CRADD: variants seen among roughly 807,000 people sequenced by gnomAD.
CRADD encodes the protein CARD and death domain containing adaptor protein, also known as death domain-containing protein CRADD.
Under a neutral mutation model 15.5 loss-of-function variants are expected in CRADD, and 9 were observed. That is an observed-to-expected ratio of 0.58 (90% CI 0.35 to 1.01). CRADD has a LOEUF of 1.01. CRADD is among the 50% of genes least tolerant of loss of function. The pLI is 0.02. For missense variants in CRADD, 227 were observed against 250.3 expected, an observed-to-expected ratio of 0.91 and a Z score of 0.63; for synonymous variants, 118 against 107.6, an observed-to-expected ratio of 1.10 and a Z score of -0.60.
In CRADD at chr12:93,782,962, T is replaced by C. The variant is rs183449647; in HGVS notation, c.299-67008T>C. ...CTTGGTGATAGGTTTTTGGGGGTTC[T>C]TTACACTTTCCTCTACTTTGTTATG... On this transcript the variant is annotated intron_variant, in intron 2 of 2. Transcript: ENST00000332896. 5.7e-3 allele frequency among the ~76,000 whole-genome samples: 867 copies of C among 152,244 alleles called. 9 individuals carry two copies. The highest frequency in any genetic ancestry group is 0.014 in the South Asian group (68 of 4,830).
At chr12:93,781,275 C>CA (rs1238577513) in intron 2 of CRADD, among the ~76,000 whole-genome samples, 1 of 151,952 alleles carries the variant, frequency 6.6e-6, no homozygotes, top group Non-Finnish European at 1.5e-5. Context: ...GACAATAAGA[C>CA]AAAAAAATCC....
At chr12:93,815,893 T>G (rs1957691260) in intron 2 of CRADD, 1 of 152,234 alleles carries the variant, frequency 6.6e-6, no homozygotes, top group South Asian at 2.1e-4. Flanking sequence ...GAATAGCTAG[T>G]TAGCTTGCCC....
chr12:93,875,279 CTA>C (rs1958450324), intron 2 of CRADD, among the ~76,000 whole-genome samples: 1 of 151,722 alleles, frequency 6.6e-6, no homozygotes, highest in Non-Finnish European at 1.5e-5. Flanking sequence ...TATTTTCAGT[CTA>C]TGTGTGTCTT....
At chr12:93,690,813 T>C (rs1407094058) in intron 2 of CRADD, among the ~76,000 whole-genome samples, 116 of 152,310 alleles carry the variant, frequency 7.6e-4, no homozygotes, top group South Asian at 4.1e-4. Flanking sequence ...TTAGATCTGA[T>C]TGGAGTCACA....
At chr12:93,843,901 T>C (rs1370040782) in intron 2 of CRADD, among the ~76,000 whole-genome samples, 1 of 151,912 alleles carries the variant, frequency 6.6e-6, no homozygotes, top group East Asian at 1.9e-4. Context: ...TTTTGTATGT[T>C]AGTAGAGACG....
At chr12:93,872,584 C>G (rs1177145668) in intron 2 of CRADD, among the ~76,000 whole-genome samples, 1 of 152,072 alleles carries the variant, frequency 6.6e-6, no homozygotes, top group Non-Finnish European at 1.5e-5. Flanking sequence ...ATTTTTGTAT[C>G]TGGTGAGAGA....
intron 2 of CRADD, among the ~76,000 whole-genome samples, chr12:93,755,727 A>G (rs778934374): frequency 6.6e-6 from 1 of 152,212 alleles, no homozygotes; most frequent in Non-Finnish European, 1.5e-5. Flanking sequence ...CTTCAGGTTG[A>G]GTGATGCTTA....
chr12:93,693,410 T>C (rs1012529143), intron 2 of CRADD, among the ~76,000 whole-genome samples: 1 of 152,000 alleles, frequency 6.6e-6, no homozygotes, highest in African/African-American at 2.4e-5. Context: ...ATATTTTCCA[T>C]GCAAATGGAA....
At chr12:93,712,054 T>C (rs1437269085) in intron 2 of CRADD, among the ~76,000 whole-genome samples, 1 of 152,042 alleles carries the variant, frequency 6.6e-6, no homozygotes, top group African/African-American at 2.4e-5. Context: ...CCACACCTGG[T>C]CTCCTAGACT....
chr12:93,752,289 G>A (rs1179121725), intron 2 of CRADD, among the ~76,000 whole-genome samples: 2 of 152,180 alleles, frequency 1.3e-5, no homozygotes, highest in Non-Finnish European at 2.9e-5. Context: ...AAGCCCTTTG[G>A]ATCCACTTAT....
intron 2 of CRADD, among the ~76,000 whole-genome samples, chr12:93,868,135 A>G (rs1444496921): frequency 6.6e-6 from 1 of 152,146 alleles, no homozygotes; most frequent in Non-Finnish European, 1.5e-5. Context: ...ATTTAGTTTG[A>G]CTCAACATTT....
intron 2 of CRADD, among the ~76,000 whole-genome samples, chr12:93,839,922 T>G (rs1347362577): frequency 6.6e-6 from 1 of 152,204 alleles, no homozygotes; most frequent in Admixed American, 6.5e-5. Flanking sequence ...AAATTTACCT[T>G]TGGGAGATTA....
intron 2 of CRADD, among the ~76,000 whole-genome samples, chr12:93,748,121 G>A (rs2136936151): frequency 6.6e-6 from 1 of 152,316 alleles, no homozygotes; most frequent in South Asian, 2.1e-4. Flanking sequence ...ATTCAGTGCA[G>A]TGTTAGGTGA....
At chr12:93,869,134 G>A (rs1958396567) in intron 2 of CRADD, among the ~76,000 whole-genome samples, 2 of 152,108 alleles carry the variant, frequency 1.3e-5, no homozygotes, top group Admixed American at 1.3e-4. Flanking sequence ...CCATCAGTAT[G>A]CCAGAAGCAT....
At chr12:93,878,838 ATCG>A (rs1958475637) in intron 2 of CRADD, among the ~76,000 whole-genome samples, 1 of 152,142 alleles carries the variant, frequency 6.6e-6, no homozygotes, top group South Asian at 2.1e-4. Context: ...TGGCTCTTTC[ATCG>A]GTATGAAGAT....
chr12:93,772,722 C>T (rs957591690), intron 2 of CRADD, among the ~76,000 whole-genome samples: 2 of 152,162 alleles, frequency 1.3e-5, no homozygotes, highest in Non-Finnish European at 2.9e-5. Context: ...GAGCTTTTAT[C>T]TTCTACTGTT....
chr12:93,808,409 C>T (rs1401849387), intron 2 of CRADD, among the ~76,000 whole-genome samples: 1 of 152,128 alleles, frequency 6.6e-6, no homozygotes, highest in Non-Finnish European at 1.5e-5. Context: ...GACTTATTCA[C>T]TACCATGAGA....
At chr12:93,838,781 G>A (rs1018725974) in intron 2 of CRADD, among the ~76,000 whole-genome samples, 4 of 151,734 alleles carry the variant, frequency 2.6e-5, no homozygotes, top group South Asian at 2.1e-4. Context: ...TTGAGACAGA[G>A]TCTGGCTCTT....
intron 2 of CRADD, among the ~76,000 whole-genome samples, chr12:93,859,732 T>TC (rs1223198219): frequency 1.3e-5 from 2 of 148,348 alleles, no homozygotes; most frequent in Non-Finnish European, 3.0e-5. Flanking sequence ...TGTCTCTCTC[T>TC]TTTTTTTTAA....
Sources: allele counts gnomAD v4.1 joint callset (sites outside exome capture counted in the v4.1 genomes callset), GRCh38; gene constraint gnomAD v4.1.1; transcripts MANE v1.5; gene names NCBI Gene and HGNC (gene_info 2026-07-23, HGNC 2026-07-21).